SLC12A2: variants seen among roughly 807,000 people sequenced by gnomAD.
The protein encoded by SLC12A2 is Na-K-2Cl cotransporter 1.
In SLC12A2, 67 loss-of-function variants were observed where a neutral mutation model predicts 136.3. The observed-to-expected ratio is 0.49, with a 90% CI of 0.40 to 0.60. The LOEUF is 0.60. Among genes scored for constraint, SLC12A2 ranks in the 20% least tolerant of loss-of-function variants. The pLI is 0.00. For missense variants in SLC12A2, 1,322 were observed against 1,534.7 expected (o/e 0.86, Z 2.32); for synonymous variants, 619 against 562.9 (o/e 1.10, Z -1.41).
intron 23 of SLC12A2, among the ~76,000 whole-genome samples, chr5:128,181,717 C>T (rs921699447): frequency 2.6e-5 from 4 of 151,906 alleles, no homozygotes; most frequent in African/African-American, 4.8e-5. Context: ...GACAGTCTGT[C>T]CTCTCATTCC....
intron 1 of SLC12A2, among the ~76,000 whole-genome samples, chr5:128,086,255 A>T (rs182692670): frequency 3.1e-4 from 47 of 152,322 alleles, no homozygotes; most frequent in Non-Finnish European, 6.2e-4. Flanking sequence ...TTTAAATTAA[A>T]TTATCTCAAT....
intron 1 of SLC12A2, among the ~76,000 whole-genome samples, chr5:128,087,307 T>C (rs995100168): frequency 6.6e-5 from 10 of 152,352 alleles, no homozygotes; most frequent in Middle Eastern, 3.4e-3. Context: ...TGTGGGATTA[T>C]GTGGTGATTA....
At chr5:128,152,889 A>C in intron 15 of SLC12A2, 84 bp downstream of exon 15, 3 of 859,776 alleles carry the variant, frequency 3.5e-6, no homozygotes, top group East Asian at 4.9e-5. Flanking sequence ...TTTCATGTAC[A>C]TTTCACATTT....
chr5:128,135,627 A>G lies in SLC12A2; in HGVS notation c.1300-73A>G. 4.0e-6 allele frequency: 4 copies of G among 1,002,260 alleles called. No homozygotes were observed. The South Asian group carries it at 5.5e-5, about 14-fold the overall frequency. The allele number at this position is 1,002,260 out of a possible 1,614,324, so 62.1% of individuals were successfully genotyped here. A position where few individuals can be genotyped will look rare whatever the true frequency, so the allele number is the denominator to read the frequency against. Reference sequence around the variant, plus strand: ...AGAAATTCTTTCCCTCATGGAAGTTATATTCTAGGGGAATTGAATCAAGAT... The same window carrying G: ...AGAAATTCTTTCCCTCATGGAAGTTGTATTCTAGGGGAATTGAATCAAGAT... On this transcript the variant is annotated intron_variant, in intron 6 of 26. Coordinates refer to ENST00000262461, the MANE Select transcript of SLC12A2 (RefSeq NM_001046.3).
intron 17 of SLC12A2, among the ~76,000 whole-genome samples, chr5:128,167,065 T>C (rs12522727): frequency 0.025 from 3,740 of 152,152 alleles, 65 homozygotes; most frequent in South Asian, 0.051. Context: ...TATTAGCTAT[T>C]ATGAGTAATC....
At chr5:128,110,510 A>C (rs1561662515) in intron 1 of SLC12A2, 1 of 1,431,594 alleles carries the variant, frequency 7.0e-7, no homozygotes, top group Non-Finnish European at 9.9e-7. Flanking sequence ...TTCTTTAAAC[A>C]TGATGAAAAC....
At chr5:128,124,689 T>C (rs1330972228) in intron 4 of SLC12A2, among the ~76,000 whole-genome samples, 1 of 152,180 alleles carries the variant, frequency 6.6e-6, no homozygotes, top group Non-Finnish European at 1.5e-5. Flanking sequence ...TAGTTTTCCA[T>C]TATATAGCCA....
At chr5:128,127,304 G>T (rs892690615) in intron 4 of SLC12A2, among the ~76,000 whole-genome samples, 1 of 151,536 alleles carries the variant, frequency 6.6e-6, no homozygotes, top group African/African-American at 2.4e-5. Context: ...TGTATTTTTA[G>T]TAGAGACGGG....
intron 4 of SLC12A2, among the ~76,000 whole-genome samples, chr5:128,126,967 T>TATATATAA (rs1491322749): frequency 6.7e-4 from 20 of 29,630 alleles, no homozygotes; most frequent in East Asian, 1.7e-3. Context: ...TATATATATA[T>TATATATAA]TTTTTTTTTT....
At chr5:128,093,622 C>T (rs778460208) in intron 1 of SLC12A2, among the ~76,000 whole-genome samples, 1 of 152,156 alleles carries the variant, frequency 6.6e-6, no homozygotes, top group Non-Finnish European at 1.5e-5. Context: ...ACACTTTTCT[C>T]TCATTCCCCC....
At chr5:128,123,994 A>C (rs560835618) in intron 4 of SLC12A2, among the ~76,000 whole-genome samples, 12 of 152,270 alleles carry the variant, frequency 7.9e-5, no homozygotes, top group Non-Finnish European at 1.5e-4. Flanking sequence ...ATTCATATGG[A>C]TATCCAGTTA....
chr5:128,172,030 C>A, intron 19 of SLC12A2: 1 of 246,766 alleles, frequency 4.1e-6, no homozygotes, highest in Non-Finnish European at 7.6e-6. Context: ...AAAACCTGGC[C>A]AACAGACAAA....
At chr5:128,163,063 A>G (rs1297246173) in intron 17 of SLC12A2, among the ~76,000 whole-genome samples, 1 of 152,152 alleles carries the variant, frequency 6.6e-6, no homozygotes, top group Non-Finnish European at 1.5e-5. Flanking sequence ...CCCCTGACAT[A>G]GAGCAATTGG....
intron 18 of SLC12A2, chr5:128,169,319 C>G (rs1763297942): frequency 6.6e-6 from 1 of 151,926 alleles, no homozygotes; most frequent in South Asian, 2.1e-4. Flanking sequence ...ACCCTTTTTT[C>G]TCACTGGAGT....
intron 5 of SLC12A2, among the ~76,000 whole-genome samples, chr5:128,132,363 A>G (rs1371250850): frequency 3.3e-5 from 5 of 152,188 alleles, no homozygotes; most frequent in Admixed American, 6.5e-5. Flanking sequence ...TGGATTTGAT[A>G]ATTAATGGGA....
intron 10 of SLC12A2, 102 bp downstream of exon 10, chr5:128,142,083 G>A: frequency 1.0e-6 from 1 of 972,834 alleles, no homozygotes; most frequent in South Asian, 1.8e-5. Context: ...ATAGAAGGGA[G>A]GACAGTTGTT....
In SLC12A2 at chr5:128,084,224, C is replaced by A; in HGVS notation, c.270C>A (p.Ala90=). Reference sequence around the variant, plus strand: ...AGGTGGACCTGGTTTCCGAGAACGCCGGGCGGGCCGCTGCTGCGGCGGCGG... The same window carrying A: ...AGGTGGACCTGGTTTCCGAGAACGCAGGGCGGGCCGCTGCTGCGGCGGCGG... ...RFQVDLVSEN[A]GRAAAAAAAA... is the part of the protein sequence containing the mutation. Residue 90 remains alanine (A), a synonymous_variant, in exon 1 of 27, where the codon GCC becomes GCA. Coordinates refer to ENST00000262461, the MANE Select transcript of SLC12A2 (RefSeq NM_001046.3). This position sits in a 1 kb window ranked among gnomAD's most constrained non-coding sequence, Gnocchi z 5.6. 7.8e-7 allele frequency: 1 copy of A among 1,276,872 alleles called. No homozygotes were observed. The highest frequency in any genetic ancestry group is 9.8e-7 in the Non-Finnish European group (1 of 1,021,376). The allele number at this position is 1,276,872 out of a possible 1,614,324, so 79.1% of individuals were successfully genotyped here. A position where few individuals can be genotyped will look rare whatever the true frequency, so the allele number is the denominator to read the frequency against.
rs1309664741 is a variant in SLC12A2, at chr5:128,187,598, ATCCTT to A, written c.*969_*973del. 2 of 152,496 alleles carry A rather than the reference ATCCTT, an allele frequency of 1.3e-5. No individual in the cohort carries two copies. The highest frequency in any genetic ancestry group is 2.9e-5 in the Non-Finnish European group (2 of 68,012). 9.4% of individuals were successfully genotyped at this position (152,496 alleles called of 1,614,324 possible). A position where few individuals can be genotyped will look rare whatever the true frequency, so the allele number is the denominator to read the frequency against. On this transcript the variant is annotated 3_prime_UTR_variant, in exon 27 of 27. Coordinates refer to ENST00000262461, the MANE Select transcript of SLC12A2 (RefSeq NM_001046.3). ...AAGTGGAATTTCAGTATACTGTACT[ATCCTT>A]TATAAGTCATTAAAATAATGTTTCA...
intron 10 of SLC12A2, among the ~76,000 whole-genome samples, chr5:128,145,359 A>T (rs1259810497): frequency 6.6e-6 from 1 of 152,094 alleles, no homozygotes; most frequent in Non-Finnish European, 1.5e-5. Context: ...ATTAAGACAG[A>T]TGTAGAATTT....
Sources: gnomAD v4.1 joint callset for allele counts (sites outside exome capture counted in the v4.1 genomes callset) on GRCh38, gnomAD v4.1.1 for gene constraint, Gnocchi (gnomAD v3.1) non-coding constraint, MANE v1.5 for transcripts, NCBI Gene and HGNC (gene_info 2026-07-23, HGNC 2026-07-21) for gene names.